Variants in DDAH1 observed in about 807,000 individuals in gnomAD.
DDAH1 encodes the protein N(G),N(G)-dimethylarginine dimethylaminohydrolase 1.
Under a neutral mutation model 28.8 loss-of-function variants are expected in DDAH1, and 19 were observed. The ratio of observed to expected loss-of-function variants is 0.66; its 90% CI spans 0.46 to 0.97. DDAH1 has a LOEUF of 0.97. DDAH1 is among the 50% of genes least tolerant of loss of function. The pLI, the probability that DDAH1 is intolerant of heterozygous loss-of-function variation, is 0.00. For missense variants in DDAH1, 326 were observed against 375.9 expected (o/e 0.87, Z 1.10); for synonymous variants, 153 against 154.4 (o/e 0.99, Z 0.07).
In DDAH1 at chr1:85,492,491, G is replaced by A. The variant is rs142441184; in HGVS notation, c.-7+3675C>T. Among the ~76,000 whole-genome samples, 206 of 152,212 alleles carry A rather than the reference G, an allele frequency of 1.4e-3. No homozygotes were observed. The Middle Eastern group carries it at 0.014, about 10-fold the overall frequency. The stretch of plus-strand genomic sequence containing the variant: ...CATTTCTGAAATCTCAGTAAAACTC[G>A]AAAGGATATAGATAAGCATTGCTAA... On this transcript the variant is annotated intron_variant, in intron 2 of 6. Transcript: ENST00000426972.
intron 1 of DDAH1, among the ~76,000 whole-genome samples, chr1:85,387,241 G>A (rs1290835669): frequency 6.6e-6 from 1 of 152,078 alleles, no homozygotes; most frequent in Non-Finnish European, 1.5e-5. Flanking sequence ...CTACTACATA[G>A]GCAGGCTGAG....
At chr1:85,465,196 C>A, upstream of DDAH1, 2 of 1,131,338 alleles carry the variant, frequency 1.8e-6, no homozygotes, top group Non-Finnish European at 2.2e-6. Context: ...CGGAGCCCTG[C>A]CCGCGCGACT....
At chr1:85,424,085 A>AT (rs1025838024) in intron 1 of DDAH1, among the ~76,000 whole-genome samples, 4 of 152,020 alleles carry the variant, frequency 2.6e-5, no homozygotes, top group African/African-American at 7.2e-5. Flanking sequence ...ATTGTGTATA[A>AT]TTTTTTTATA....
chr1:85,562,656 G>A (rs993216102), intron 1 of DDAH1, among the ~76,000 whole-genome samples: 6 of 152,148 alleles, frequency 3.9e-5, no homozygotes, highest in African/African-American at 9.7e-5. Flanking sequence ...ATATTGGAGC[G>A]ACGCATACAC....
intron 1 of DDAH1, among the ~76,000 whole-genome samples, chr1:85,561,025 C>T (rs12091576): frequency 0.058 from 8,856 of 151,880 alleles, 826 homozygotes; most frequent in African/African-American, 0.2. Context: ...TTTACTTTTC[C>T]TCATACGACT....
chr1:85,493,413 A>C (rs1008405734), intron 2 of DDAH1: 1 of 152,182 alleles, frequency 6.6e-6, no homozygotes, highest in Non-Finnish European at 1.5e-5. Flanking sequence ...AAATCACCAC[A>C]ACATACTAAT....
intron 1 of DDAH1, among the ~76,000 whole-genome samples, chr1:85,400,229 T>C (rs1652022254): frequency 2.5e-5 from 2 of 79,480 alleles, no homozygotes; most frequent in African/African-American, 1.0e-4. Flanking sequence ...CTCAATCTGT[T>C]GCCCAGGCTG....
Position 85,482,018 on chromosome 1 carries a change from T to C in DDAH1, c.-7+14148A>G, listed in dbSNP as rs377174289. Among the ~76,000 whole-genome samples, 16 of 152,314 alleles carry C rather than the reference T, an allele frequency of 1.1e-4. No individual in the cohort carries two copies. The East Asian group carries it at 2.9e-3, about 28-fold the overall frequency. ...ACGTCAGTTGCTCCCATGTACCAAC[T>C]AGGAGACACAATAATCCTGTTAGTT... On this transcript the variant is annotated intron_variant, in intron 2 of 6. Coordinates refer to the DDAH1 transcript ENST00000426972.
chr1:85,386,034 T>C (rs1018574264), intron 1 of DDAH1, among the ~76,000 whole-genome samples: 2 of 152,122 alleles, frequency 1.3e-5, no homozygotes, highest in African/African-American at 2.4e-5. Flanking sequence ...GCACCAAGCA[T>C]GAGGGATCTA....
intron 1 of DDAH1, among the ~76,000 whole-genome samples, chr1:85,446,590 A>G (rs148909091): frequency 6.6e-5 from 10 of 152,220 alleles, no homozygotes; most frequent in African/African-American, 2.4e-4. Flanking sequence ...TGGCAACATC[A>G]CGCCAAAGAC....
At chr1:85,512,095 C>T (rs527674480) in intron 1 of DDAH1, among the ~76,000 whole-genome samples, 31 of 152,270 alleles carry the variant, frequency 2.0e-4, no homozygotes, top group African/African-American at 6.3e-4. Flanking sequence ...ATGCGAAAAT[C>T]CTCAATAAAA....
intron 1 of DDAH1, among the ~76,000 whole-genome samples, chr1:85,425,254 A>G (rs1557613953): frequency 6.6e-6 from 1 of 151,552 alleles, no homozygotes; most frequent in East Asian, 1.9e-4. Flanking sequence ...TTCTTTTTTT[A>G]TTTTTCTTTC....
chr1:85,492,055 A>G (rs1301062694), intron 2 of DDAH1, among the ~76,000 whole-genome samples: 2 of 152,220 alleles, frequency 1.3e-5, no homozygotes, highest in African/African-American at 2.4e-5. Flanking sequence ...GACATGCATA[A>G]TGATCCTCAT....
At chr1:85,404,624 T>A in intron 1 of DDAH1, 1 of 950,584 alleles carries the variant, frequency 1.1e-6, no homozygotes, top group Non-Finnish European at 1.4e-6. Context: ...AATCCAAGAG[T>A]TCAATGATAC....
chr1:85,519,694 T>A (rs1657606270), intron 1 of DDAH1, among the ~76,000 whole-genome samples: 1 of 152,172 alleles, frequency 6.6e-6, no homozygotes, highest in Non-Finnish European at 1.5e-5. Context: ...AGATCACATC[T>A]GCTTATCAAA....
chr1:85,527,932 C>T (rs1657929913), intron 1 of DDAH1, among the ~76,000 whole-genome samples: 1 of 152,010 alleles, frequency 6.6e-6, no homozygotes, highest in Non-Finnish European at 1.5e-5. Context: ...TATGGGAGTA[C>T]ATTTTGCCTC....
At chr1:85,506,337 A>T (rs953188839) in intron 1 of DDAH1, among the ~76,000 whole-genome samples, 1 of 152,206 alleles carries the variant, frequency 6.6e-6, no homozygotes, top group African/African-American at 2.4e-5. Flanking sequence ...GTTATCACAG[A>T]ATCATACTCT....
intron 4 of DDAH1, among the ~76,000 whole-genome samples, chr1:85,347,280 G>A (rs1254866541): frequency 6.6e-6 from 1 of 152,144 alleles, no homozygotes; most frequent in Non-Finnish European, 1.5e-5. Context: ...ATACCCAAAG[G>A]ATTATAAATC....
chr1:85,549,517 G>A (rs897806810), intron 1 of DDAH1, among the ~76,000 whole-genome samples: 8 of 152,200 alleles, frequency 5.3e-5, no homozygotes, highest in Admixed American at 2.0e-4. Context: ...AGACCATGAA[G>A]TGGACACGGA....
Sources: gnomAD v4.1 joint callset for allele counts (sites outside exome capture counted in the v4.1 genomes callset) on GRCh38, gnomAD v4.1.1 for gene constraint, MANE v1.5 for transcripts, NCBI Gene and HGNC (gene_info 2026-07-23, HGNC 2026-07-21) for gene names.